SPAG16: variants seen among roughly 807,000 people sequenced by gnomAD.
SPAG16 encodes the protein sperm associated antigen 16.
Under a neutral mutation model 80.4 loss-of-function variants are expected in SPAG16, and 86 were observed. The ratio of observed to expected loss-of-function variants is 1.07; its 90% CI spans 0.90 to 1.28. The LOEUF (loss-of-function observed/expected upper bound fraction) is 1.28. SPAG16 is among the 50% of genes most tolerant of loss of function. SPAG16 has a pLI of 0.00. For missense variants in SPAG16, 870 were observed against 765.3 expected, an observed-to-expected ratio of 1.14 and a Z score of -1.61; for synonymous variants, 294 against 265.9, an observed-to-expected ratio of 1.11 and a Z score of -1.03.
intron 15 of SPAG16, among the ~76,000 whole-genome samples, chr2:214,355,065 A>G (rs1313047054): frequency 6.6e-6 from 1 of 152,054 alleles, no homozygotes; most frequent in Non-Finnish European, 1.5e-5. Flanking sequence ...AACCATAAAA[A>G]CCCTAGAAGA....
At chr2:213,877,079 G>A (rs968811561) in intron 11 of SPAG16, among the ~76,000 whole-genome samples, 6 of 152,098 alleles carry the variant, frequency 3.9e-5, no homozygotes, top group African/African-American at 1.4e-4. Context: ...TTCTAGAAAA[G>A]TGACCTTGAT....
intron 15 of SPAG16, among the ~76,000 whole-genome samples, chr2:214,407,983 C>T (rs1032060569): frequency 6.8e-6 from 1 of 146,088 alleles, no homozygotes; most frequent in Non-Finnish European, 1.5e-5. Context: ...AAAATGAATT[C>T]AGGTAAACTT....
intron 15 of SPAG16, among the ~76,000 whole-genome samples, chr2:214,191,950 C>T (rs1188216347): frequency 1.3e-5 from 2 of 151,414 alleles, no homozygotes; most frequent in African/African-American, 4.9e-5. Flanking sequence ...GTTTCTTATT[C>T]AAGCAGTCTG....
At chr2:213,530,247 A>G (rs1575853103) in intron 10 of SPAG16, among the ~76,000 whole-genome samples, 1 of 152,312 alleles carries the variant, frequency 6.6e-6, no homozygotes, top group Admixed American at 6.5e-5. Flanking sequence ...ATAATCATCT[A>G]TGTTATACTT....
chr2:214,405,753 C>T (rs937254622), intron 15 of SPAG16, among the ~76,000 whole-genome samples: 5 of 152,098 alleles, frequency 3.3e-5, no homozygotes, highest in African/African-American at 9.7e-5. Context: ...GCCGAGATTG[C>T]GCCACTGCAC....
At chr2:214,303,662 C>T (rs1048180420) in intron 15 of SPAG16, among the ~76,000 whole-genome samples, 7 of 152,136 alleles carry the variant, frequency 4.6e-5, no homozygotes, top group Non-Finnish European at 7.3e-5. Context: ...ATGATAACAA[C>T]ACTCCTAGCA....
At chr2:213,688,653 T>TA (rs1267545050) in intron 10 of SPAG16, among the ~76,000 whole-genome samples, 3 of 152,068 alleles carry the variant, frequency 2.0e-5, no homozygotes, top group Admixed American at 1.3e-4. Context: ...TTGCATGAGA[T>TA]AAAAAAAATC....
intron 14 of SPAG16, among the ~76,000 whole-genome samples, chr2:214,125,236 G>T (rs1340051137): frequency 1.3e-5 from 2 of 151,346 alleles, no homozygotes; most frequent in Non-Finnish European, 2.9e-5. Flanking sequence ...CTTGATACTG[G>T]AATTGGCTGC....
intron 11 of SPAG16, among the ~76,000 whole-genome samples, chr2:213,909,265 G>T (rs1575522695): frequency 6.6e-6 from 1 of 152,128 alleles, no homozygotes. Context: ...ATGCTCATGG[G>T]TAGGAAGAAT....
At chr2:214,075,166 T>G (rs1306246451) in intron 13 of SPAG16, among the ~76,000 whole-genome samples, 4 of 151,966 alleles carry the variant, frequency 2.6e-5, no homozygotes, top group African/African-American at 9.7e-5. Context: ...TTTCTCCCAC[T>G]CTGGTTGTCT....
chr2:213,507,939 A>T (rs1288973920), intron 10 of SPAG16, among the ~76,000 whole-genome samples: 2 of 152,364 alleles, frequency 1.3e-5, no homozygotes, highest in Admixed American at 6.5e-5. Flanking sequence ...GTAGAGAAGT[A>T]GATTACTCAT....
At chr2:213,663,712 A>T (rs1395729785) in intron 10 of SPAG16, among the ~76,000 whole-genome samples, 2 of 152,120 alleles carry the variant, frequency 1.3e-5, no homozygotes, top group African/African-American at 2.4e-5. Context: ...CCTATATAAG[A>T]TGTAACAGCA....
chr2:214,108,465 ACACACACACACACACC>A (rs2053499708), intron 14 of SPAG16, among the ~76,000 whole-genome samples: 2 of 113,420 alleles, frequency 1.8e-5, no homozygotes, highest in African/African-American at 6.7e-5. Flanking sequence ...ACACACACAC[ACACACACACACACACC>A]CCCACACACA....
At chr2:213,375,513 C>T (rs977382360) in intron 9 of SPAG16, among the ~76,000 whole-genome samples, 2 of 152,062 alleles carry the variant, frequency 1.3e-5, no homozygotes, top group Non-Finnish European at 2.9e-5. Context: ...AATGAAATAG[C>T]ATTATGCTCC....
intron 11 of SPAG16, among the ~76,000 whole-genome samples, chr2:213,882,976 C>T (rs1343977372): frequency 1.3e-5 from 2 of 152,138 alleles, no homozygotes; most frequent in African/African-American, 4.8e-5. Context: ...AGGCCATTCT[C>T]CTCCTCAGCC....
At chr2:214,309,062 T>A (rs1339416109) in intron 15 of SPAG16, among the ~76,000 whole-genome samples, 5 of 152,256 alleles carry the variant, frequency 3.3e-5, no homozygotes. Context: ...TAATCCCATA[T>A]GTCTCAGAGG....
chr2:213,965,229 A>G (rs957198479), intron 12 of SPAG16, among the ~76,000 whole-genome samples: 2 of 152,158 alleles, frequency 1.3e-5, no homozygotes, highest in Non-Finnish European at 2.9e-5. Flanking sequence ...CCCCCAAATG[A>G]CAGTGGTTTC....
chr2:214,275,153 C>T (rs1214900696), intron 15 of SPAG16, among the ~76,000 whole-genome samples: 1 of 152,136 alleles, frequency 6.6e-6, no homozygotes, highest in African/African-American at 2.4e-5. Flanking sequence ...TCCGCTTTAC[C>T]ATTTTTTATT....
chr2:213,911,551 C>G (rs1470434278), intron 11 of SPAG16, among the ~76,000 whole-genome samples: 3 of 152,122 alleles, frequency 2.0e-5, no homozygotes, highest in African/African-American at 7.2e-5. Flanking sequence ...ATAGGAAATA[C>G]TATGTGTTGC....
Sources: gnomAD v4.1 joint callset for allele counts (sites outside exome capture counted in the v4.1 genomes callset) on GRCh38, gnomAD v4.1.1 for gene constraint, MANE v1.5 for transcripts, NCBI Gene and HGNC (gene_info 2026-07-23, HGNC 2026-07-21) for gene names.